Variants in FAM135B observed in about 807,000 individuals in gnomAD.
The protein encoded by FAM135B is protein FAM135B.
A neutral mutation model predicts 127.7 loss-of-function variants in FAM135B; 43 were observed. That is an observed-to-expected ratio of 0.34 (90% CI 0.26 to 0.43). FAM135B has a LOEUF of 0.43. Among genes scored for constraint, FAM135B ranks in the 20% least tolerant of loss-of-function variants. The pLI is 1.00. For synonymous variants in FAM135B, 670 were observed against 665.1 expected, an observed-to-expected ratio of 1.01 and a Z score of -0.11; for missense variants, 1,558 against 1,725.6, an observed-to-expected ratio of 0.90 and a Z score of 1.72.
Position 138,177,437 on chromosome 8 carries a change from T to G in FAM135B, c.1030-17A>C, listed in dbSNP as rs1415461923. The stretch of plus-strand genomic sequence containing the variant: ...CCTTCGGACCTGCAGAATAAAACAA[T>G]GTAAACAGTTCAATTCTTTAGGTAG... On this transcript the variant is annotated splice_polypyrimidine_tract_variant and intron_variant, in intron 10 of 19. Coordinates refer to ENST00000395297, the MANE Select transcript of FAM135B (RefSeq NM_015912.4). 2.5e-6 allele frequency: 4 copies of G among 1,606,290 alleles called. No individual in the cohort carries two copies. The East Asian group carries it at 8.9e-5, about 36-fold the overall frequency.
At chr8:138,401,768 G>A (rs550960257) in intron 1 of FAM135B, among the ~76,000 whole-genome samples, 1 of 152,284 alleles carries the variant, frequency 6.6e-6, no homozygotes, top group Non-Finnish European at 1.5e-5. Flanking sequence ...TGTGACTGAT[G>A]GGCAAGAAAT....
At chr8:138,245,220 A>C (rs552340065) in intron 6 of FAM135B, among the ~76,000 whole-genome samples, 1 of 152,320 alleles carries the variant, frequency 6.6e-6, no homozygotes, top group South Asian at 2.1e-4. Context: ...CGGAAGGTTA[A>C]ACATTTTACT....
At chr8:138,159,943 G>A (rs1819194490) in intron 12 of FAM135B, among the ~76,000 whole-genome samples, 2 of 152,258 alleles carry the variant, frequency 1.3e-5, no homozygotes, top group South Asian at 4.2e-4. Context: ...GATAGAGGTT[G>A]GCCATGCTGG....
intron 1 of FAM135B, among the ~76,000 whole-genome samples, chr8:138,370,417 T>G (rs1831038872): frequency 6.6e-6 from 1 of 152,066 alleles, no homozygotes; most frequent in Non-Finnish European, 1.5e-5. Context: ...GTGAGGAAGA[T>G]GAGTTCCCAT....
chr8:138,301,302 C>A (rs1247923975), intron 3 of FAM135B, among the ~76,000 whole-genome samples: 1 of 152,196 alleles, frequency 6.6e-6, no homozygotes, highest in Non-Finnish European at 1.5e-5. Flanking sequence ...CTATCAGAAA[C>A]CTTCTGACCA....
chr8:138,423,696 T>G (rs1331892240), intron 1 of FAM135B, among the ~76,000 whole-genome samples: 1 of 152,168 alleles, frequency 6.6e-6, no homozygotes, highest in African/African-American at 2.4e-5. Flanking sequence ...ACATTTTCAT[T>G]GATAACATCT....
Position 138,261,085 on chromosome 8 carries a change from G to T in FAM135B, c.298-4326C>A, listed in dbSNP as rs185200055. On this transcript the variant is annotated intron_variant, in intron 4 of 19. Coordinates refer to ENST00000395297, the MANE Select transcript of FAM135B (RefSeq NM_015912.4). ...AACAACTGGTTACTGTGGAAATCGTGCCCATTTTTCTACTTATCCAAAAAC... is the reference window on the plus strand; with the variant it reads ...AACAACTGGTTACTGTGGAAATCGTTCCCATTTTTCTACTTATCCAAAAAC... 2.0e-5 allele frequency among the ~76,000 whole-genome samples: 3 copies of T among 151,370 alleles called. No individual in the cohort carries two copies. The East Asian group carries it at 5.8e-4, about 29-fold the overall frequency.
intron 2 of FAM135B, among the ~76,000 whole-genome samples, chr8:138,322,090 C>T (rs1827487374): frequency 1.3e-5 from 2 of 152,226 alleles, no homozygotes; most frequent in South Asian, 4.1e-4. Flanking sequence ...TGCAGAGGCT[C>T]AGTTCCCTTA....
chr8:138,423,371 T>G (rs745362634), intron 1 of FAM135B, among the ~76,000 whole-genome samples: 51 of 152,150 alleles, frequency 3.4e-4, no homozygotes, highest in Non-Finnish European at 6.3e-4. Context: ...TTCACATGGG[T>G]TCTTTTCTAT....
Position 138,256,315 on chromosome 8 carries a change from G to C in FAM135B, c.368+374C>G, listed in dbSNP as rs542680640. Reference sequence around the variant, plus strand: ...TGTCGCACAAAGATGTAGAATCCTGGAAGAATCTCCTTTGACTCAGAAGGG... The same window carrying C: ...TGTCGCACAAAGATGTAGAATCCTGCAAGAATCTCCTTTGACTCAGAAGGG... On this transcript the variant is annotated intron_variant, in intron 5 of 19. Transcript: ENST00000395297. Among the ~76,000 whole-genome samples the C allele has an allele frequency of 2.0e-5, 3 of 152,280 alleles. No homozygotes were observed. In the East Asian group the frequency reaches 5.8e-4, roughly 29 times the overall value.
chr8:138,436,812 A>C (rs1835481119), intron 1 of FAM135B: 1 of 152,168 alleles, frequency 6.6e-6, no homozygotes, highest in Admixed American at 6.5e-5. Context: ...TCTGAGTCTT[A>C]ATTTCTTGTT....
At chr8:138,326,483 G>A (rs1388098126) in intron 2 of FAM135B, among the ~76,000 whole-genome samples, 5 of 152,098 alleles carry the variant, frequency 3.3e-5, no homozygotes, top group African/African-American at 7.2e-5. Flanking sequence ...GAAATGTCAC[G>A]AGTAATTTAA....
intron 1 of FAM135B, among the ~76,000 whole-genome samples, chr8:138,428,728 C>A (rs1287511903): frequency 6.6e-6 from 1 of 152,138 alleles, no homozygotes; most frequent in African/African-American, 2.4e-5. Flanking sequence ...TAGTAGGGAT[C>A]CCTGCCCATT....
intron 1 of FAM135B, among the ~76,000 whole-genome samples, chr8:138,376,335 G>A (rs1008948558): frequency 2.6e-5 from 4 of 151,938 alleles, no homozygotes; most frequent in South Asian, 2.1e-4. Context: ...TCTTATCTCC[G>A]CCTCCAAAGC....
rs997642284 is a variant in FAM135B, at chr8:138,151,642, C to T, written c.2833G>A (p.Ala945Thr). ...PELSCTSAAD[A>T]INRNSTGQQS... The stretch of plus-strand genomic sequence containing the variant: ...TGGCCTGTTGAGTTCCTGTTGATGG[C>T]ATCAGCAGCTGACGTACAGCTCAAT... Residue 945 changes from alanine to threonine, a missense_variant, in exon 13 of 20, where the codon GCC (alanine) becomes ACC (threonine). Around this residue, in one of 5 missense-constraint regions of FAM135B, gnomAD observed 923 missense variants for 865.3 expected, o/e 1.07. Transcript: ENST00000395297. 1.2e-6 allele frequency: 2 copies of T among 1,614,036 alleles called. No individual in the cohort carries two copies. Among genetic ancestry groups the T allele is most frequent in the Non-Finnish European group, 1.7e-6 (2 of 1,180,042 alleles).
At chr8:138,145,889 G>A in intron 15 of FAM135B, 70 bp downstream of exon 15, 1 of 790,918 alleles carries the variant, frequency 1.3e-6, no homozygotes, top group Non-Finnish European at 2.2e-6. Flanking sequence ...AAATTATCAT[G>A]GTGCATTTAG....
intron 12 of FAM135B, among the ~76,000 whole-genome samples, chr8:138,165,351 C>G (rs1819811240): frequency 6.6e-6 from 1 of 151,884 alleles, no homozygotes; most frequent in Non-Finnish European, 1.5e-5. Flanking sequence ...AACTCCCGAC[C>G]TCAGGTGATC....
chr8:138,178,881 G>A (rs4455889), intron 9 of FAM135B, among the ~76,000 whole-genome samples, 191 bp from the exon 10 acceptor site: 60,323 of 151,894 alleles, frequency 0.4, 12,771 homozygotes, highest in African/African-American at 0.55. Flanking sequence ...TGGAAGCTAA[G>A]ACAGCAATGG....
chr8:138,234,869 C>T (rs554150459), intron 7 of FAM135B, among the ~76,000 whole-genome samples: 104 of 152,186 alleles, frequency 6.8e-4, no homozygotes, highest in Non-Finnish European at 3.8e-4. Flanking sequence ...AATCAGGAGA[C>T]GATAATGAGG....
Sources: allele counts gnomAD v4.1 joint callset (sites outside exome capture counted in the v4.1 genomes callset), GRCh38; gene constraint gnomAD v4.1.1; regional missense constraint gnomAD v4.1.1; transcripts MANE v1.5; gene names NCBI Gene and HGNC (gene_info 2026-07-23, HGNC 2026-07-21).